Variants in TNS1 observed in about 807,000 individuals in gnomAD.
The protein encoded by TNS1 is tensin-1.
TNS1 carries 62 observed loss-of-function variants against 168.6 expected under a neutral mutation model. The observed-to-expected ratio is 0.37, with a 90% confidence interval of 0.30 to 0.45. TNS1 has a LOEUF of 0.45. Among genes scored for constraint, TNS1 ranks in the 20% least tolerant of loss-of-function variants. The probability of loss-of-function intolerance (pLI) is 1.00; values close to 1 mark genes in which losing one functional copy is unlikely to be tolerated. For synonymous variants in TNS1, 934 were observed against 933.2 expected (o/e 1.00, Z -0.02); for missense variants, 2,240 against 2,339.4 (o/e 0.96, Z 0.88).
intron 1 of TNS1, among the ~76,000 whole-genome samples, chr2:218,000,661 C>A (rs557322501): frequency 6.6e-6 from 1 of 152,240 alleles, no homozygotes; most frequent in Non-Finnish European, 1.5e-5. Context: ...CTTTACCAAG[C>A]CTGCCCATAC....
chr2:217,886,560 C>A lies in TNS1; in HGVS notation c.953G>T (p.Gly318Val). ...PLFLHHVIMH[G>V]IPNFESKGGC... is the part of the protein sequence containing the mutation. ...TCCTTTAGACTCAAAGTTGGGGATG[C>A]CGTGCATGATCACGTGGTGCAGAAA... Residue 318 changes from glycine to valine, a missense_variant, in exon 13 of 33, where the codon GGC becomes GTC. Gly to Val is a moderately radical substitution (Grantham distance 109). Around this residue, in one of 2 missense-constraint regions of TNS1, gnomAD observed 2,131 missense variants for 2,171.2 expected, o/e 0.98. Transcript: ENST00000682258. The A allele has an allele frequency of 6.2e-7, 1 of 1,603,158 alleles. No homozygotes were observed. The highest frequency in any genetic ancestry group is 8.5e-7 in the Non-Finnish European group (1 of 1,175,188).
chr2:217,925,890 A>T (rs1032829653), intron 3 of TNS1, among the ~76,000 whole-genome samples: 6 of 152,148 alleles, frequency 3.9e-5, no homozygotes, highest in African/African-American at 1.4e-4. Flanking sequence ...ATCATATAAT[A>T]TTTGCCCTTT....
intron 4 of TNS1, among the ~76,000 whole-genome samples, chr2:217,914,552 G>A (rs548680943): frequency 3.3e-5 from 5 of 151,270 alleles, no homozygotes; most frequent in African/African-American, 4.8e-5. Flanking sequence ...TCGCTCTGTC[G>A]CCAGACTGGA....
At chr2:217,814,883 T>C (rs760114272) in intron 25 of TNS1, 29 bp downstream of exon 25, 1 of 1,595,570 alleles carries the variant, frequency 6.3e-7, no homozygotes, top group Non-Finnish European at 8.6e-7. Context: ...AGCTATGGCC[T>C]CTGATGCACC....
At chr2:218,010,682 G>T (rs1284505773), upstream of TNS1, among the ~76,000 whole-genome samples, 2 of 151,232 alleles carry the variant, frequency 1.3e-5, no homozygotes, top group Admixed American at 1.3e-4. Flanking sequence ...CAGCAGCCGC[G>T]GGAGCCGGGG....
At chr2:217,993,100 C>T (rs755402153) in intron 1 of TNS1, among the ~76,000 whole-genome samples, 2 of 152,090 alleles carry the variant, frequency 1.3e-5, no homozygotes, top group African/African-American at 2.4e-5. Context: ...GATTTTAGCC[C>T]GGGAGCTATA....
chr2:217,821,815 C>A lies in TNS1; in HGVS notation c.3497G>T (p.Arg1166Met). 6.4e-7 allele frequency: 1 copy of A among 1,562,420 alleles called. No individual in the cohort carries two copies. Among genetic ancestry groups the A allele is most frequent in the Non-Finnish European group, 8.6e-7 (1 of 1,157,316 alleles). The change falls in exon 23 of 33, where the codon AGG becomes ATG. Residue 1166 changes from arginine (R) to methionine (M), a missense_variant. Physicochemically the swap from Arg to Met is moderately conservative, Grantham distance 91. This residue lies in a region of TNS1 where 2,131 missense variants were observed against 2,171.2 expected (regional missense o/e 0.98). Coordinates refer to ENST00000682258, the MANE Select transcript of TNS1 (RefSeq NM_001387777.1). ...TQAYGHEIPL[R>M]NGTLGGSFVS... ...AAAGGAGCCACCCAGGGTCCCGTTCCTCAGGGGTATCTCATGGCCATAGGC... is the reference window on the plus strand; with the variant it reads ...AAAGGAGCCACCCAGGGTCCCGTTCATCAGGGGTATCTCATGGCCATAGGC...
intron 3 of TNS1, among the ~76,000 whole-genome samples, chr2:217,967,071 G>A (rs1046035836): frequency 5.3e-5 from 8 of 152,226 alleles, no homozygotes; most frequent in East Asian, 1.9e-4. Flanking sequence ...TGTAATCCCA[G>A]CACTTTGGGA....
chr2:217,841,304 A>G (rs983048169), intron 19 of TNS1: 41 of 982,906 alleles, frequency 4.2e-5, no homozygotes, highest in Non-Finnish European at 4.7e-5. Flanking sequence ...CCCCCACCCC[A>G]GGGGAGCCAG....
intron 1 of TNS1, among the ~76,000 whole-genome samples, chr2:217,994,141 G>C (rs1321278100): frequency 1.3e-5 from 2 of 151,720 alleles, no homozygotes; most frequent in Non-Finnish European, 2.9e-5. Context: ...TTTGGCTGGG[G>C]CTGGGGTGAG....
intron 18 of TNS1, 35 bp from the exon 19 acceptor site, chr2:217,849,122 C>A (rs1425276673): frequency 1.9e-6 from 3 of 1,583,650 alleles, no homozygotes; most frequent in Non-Finnish European, 2.6e-6. Context: ...AGACAACAGA[C>A]AACAGACATT....
intron 3 of TNS1, among the ~76,000 whole-genome samples, chr2:217,940,546 G>C (rs1195997920): frequency 1.3e-5 from 2 of 152,202 alleles, no homozygotes; most frequent in Non-Finnish European, 2.9e-5. Flanking sequence ...CAAACCCCAG[G>C]AAAGAGTGTC....
intron 22 of TNS1, chr2:217,829,948 T>G: frequency 6.3e-7 from 1 of 1,596,812 alleles, no homozygotes; most frequent in East Asian, 2.2e-5. Context: ...GTGGTGAAGA[T>G]GAGGAAGAGC....
intron 3 of TNS1, among the ~76,000 whole-genome samples, chr2:217,975,479 G>A (rs1056948173): frequency 2.0e-5 from 3 of 152,146 alleles, no homozygotes; most frequent in Non-Finnish European, 2.9e-5. Flanking sequence ...AGGGTGGCGT[G>A]TGAAGGCATT....
intron 3 of TNS1, among the ~76,000 whole-genome samples, chr2:217,930,595 G>A (rs1956270292): frequency 6.6e-6 from 1 of 152,224 alleles, no homozygotes; most frequent in Non-Finnish European, 1.5e-5. Flanking sequence ...TGTAGGGCTG[G>A]AGCCCGAGAG....
chr2:217,910,372 A>T (rs1954226777), intron 4 of TNS1, among the ~76,000 whole-genome samples: 1 of 152,092 alleles, frequency 6.6e-6, no homozygotes, highest in Non-Finnish European at 1.5e-5. Context: ...GTTGTCCTGC[A>T]GTGTTTGCAA....
At position 217,948,026 on chromosome 2, in the gene TNS1, A is replaced by T. The variant is rs1464044094; in HGVS notation, c.187-27790T>A. On this transcript the variant is annotated intron_variant, in intron 3 of 32. Coordinates refer to ENST00000682258, the MANE Select transcript of TNS1 (RefSeq NM_001387777.1). This position sits in a 1 kb window ranked among gnomAD's most constrained non-coding sequence, Gnocchi z 4.1. ...GGCTAATGAAAGAGATAGAATTTCA[A>T]TGCAGCTCTTCCAACTCAAGCCCAT... is the stretch of plus-strand genomic sequence containing the variant. Among the ~76,000 whole-genome samples the T allele has an allele frequency of 6.6e-6, 1 of 152,176 alleles. No homozygotes were observed. Among genetic ancestry groups the T allele is most frequent in the South Asian group, 2.1e-4 (1 of 4,828 alleles).
chr2:217,848,299 C>T lies in TNS1; in HGVS notation c.2218G>A (p.Gly740Ser), dbSNP rs1379322696. The T allele has an allele frequency of 2.0e-5, 31 of 1,542,088 alleles. No homozygotes were observed. Among genetic ancestry groups the T allele is most frequent in the African/African-American group, 5.5e-5 (4 of 73,030 alleles). The change falls in exon 19 of 33, where the codon GGT becomes AGT. Residue 740 changes from glycine to serine, a missense_variant. This residue lies in a region of TNS1 where 2,131 missense variants were observed against 2,171.2 expected (regional missense o/e 0.98). Transcript: ENST00000682258. ...TTSHYAHDPS[G>S]MFRSQSFSEA... ...GAAAAGGATTGAGAGCGGAACATAC[C>T]GCTGGGGTCATGGGCATAGTGGGAG...
In TNS1 at chr2:217,813,725, C is replaced by T. The variant is rs761326671; in HGVS notation, c.4821G>A (p.Val1607=). The T allele has an allele frequency of 9.3e-6, 15 of 1,613,468 alleles. No individual in the cohort carries two copies. The highest frequency in any genetic ancestry group is 3.3e-4 in the Middle Eastern group (2 of 6,082). Residue 1607 remains valine (V), a synonymous_variant, in exon 26 of 33, where the codon GTG becomes GTA. Transcript: ENST00000682258. This position sits in a 1 kb window ranked among gnomAD's most constrained non-coding sequence, Gnocchi z 4.0. Reference sequence around the variant, plus strand: ...GCATGATGGTTGGAGGTGGCGAAGACACCTTCATGGCCAGCCCGTACGCGC... The same window carrying T: ...GCATGATGGTTGGAGGTGGCGAAGATACCTTCATGGCCAGCCCGTACGCGC... ...FRGAYGLAMK[V]SSPPPTIMQQ... is the part of the protein sequence containing the mutation.
Sources: allele counts gnomAD v4.1 joint callset (sites outside exome capture counted in the v4.1 genomes callset), GRCh38; gene constraint gnomAD v4.1.1; regional missense constraint gnomAD v4.1.1; non-coding constraint Gnocchi (gnomAD v3.1); transcripts MANE v1.5; gene names NCBI Gene and HGNC (gene_info 2026-07-23, HGNC 2026-07-21).